AOAH: variants seen among roughly 807,000 people sequenced by gnomAD.
AOAH encodes the protein acyloxyacyl hydrolase, also known as acyloxyacyl hydrolase (neutrophil).
AOAH carries 64 observed loss-of-function variants against 92.2 expected under a neutral mutation model. That is an observed-to-expected ratio of 0.69 (90% CI 0.57 to 0.86). The LOEUF (loss-of-function observed/expected upper bound fraction) is 0.86, where lower values mean the gene tolerates loss of function less well. Among genes scored for constraint, AOAH ranks in the 40% least tolerant of loss-of-function variants. The pLI is 0.00. For synonymous variants in AOAH, 263 were observed against 254.5 expected (o/e 1.03, Z -0.32); for missense variants, 656 against 694.6 (o/e 0.94, Z 0.62).
chr7:36,612,460 TTTC>T (rs1353097752), intron 11 of AOAH, among the ~76,000 whole-genome samples: 1 of 152,214 alleles, frequency 6.6e-6, no homozygotes, highest in Non-Finnish European at 1.5e-5. Flanking sequence ...TGATTTTTAG[TTTC>T]TTTCCTCATT....
At position 36,530,532 on chromosome 7, in the gene AOAH, AG is replaced by A; in HGVS notation, c.1426-19del. 1 of 1,552,098 alleles carries A rather than the reference AG, an allele frequency of 6.4e-7. No homozygotes were observed. The highest frequency in any genetic ancestry group is 8.9e-7 in the Non-Finnish European group (1 of 1,124,904). On this transcript the variant is annotated intron_variant, in intron 18 of 20. Transcript: ENST00000617537. ...TCTGCTCTCTGAAGAGAGAGGAAAC[AG>A]GGAGAATTTCATGAAATCTAGACTT...
intron 1 of AOAH, among the ~76,000 whole-genome samples, chr7:36,703,832 G>A (rs1354610929): frequency 1.3e-5 from 2 of 152,114 alleles, no homozygotes; most frequent in African/African-American, 4.8e-5. Context: ...CCCACTAATG[G>A]GATTGCTGGG....
intron 4 of AOAH, among the ~76,000 whole-genome samples, chr7:36,654,616 C>T (rs772790773): frequency 1.1e-4 from 16 of 152,154 alleles, no homozygotes; most frequent in Non-Finnish European, 1.6e-4. Context: ...CCCATCCATC[C>T]TCTCCATCCC....
chr7:36,652,075 C>T (rs1455000436), intron 4 of AOAH, among the ~76,000 whole-genome samples: 1 of 152,136 alleles, frequency 6.6e-6, no homozygotes, highest in East Asian at 1.9e-4. Flanking sequence ...ATACCATTTT[C>T]CAGTAAAAGG....
rs796807401 is a variant in AOAH, at chr7:36,634,068, T to C, written c.451-1962A>G. ...TGGGAAACAGGGCGGAGGAGGGTGATGGTGTGAAGAAGGGGTGGTTAGAAG... is the reference window on the plus strand; with the variant it reads ...TGGGAAACAGGGCGGAGGAGGGTGACGGTGTGAAGAAGGGGTGGTTAGAAG... On this transcript the variant is annotated intron_variant, in intron 5 of 20. Transcript: ENST00000617537. Among the ~76,000 whole-genome samples the C allele has an allele frequency of 3.0e-4, 46 of 152,120 alleles. 1 individual carries two copies. Among genetic ancestry groups the C allele is most frequent in the African/African-American group, 9.2e-4 (38 of 41,508 alleles).
chr7:36,720,224 A>G (rs901372347), intron 1 of AOAH, among the ~76,000 whole-genome samples: 1 of 151,656 alleles, frequency 6.6e-6, no homozygotes, highest in South Asian at 2.1e-4. Flanking sequence ...ATCTCGGCTC[A>G]CTGCAACCTC....
chr7:36,634,247 G>C (rs1194340960), intron 5 of AOAH, among the ~76,000 whole-genome samples: 1 of 152,080 alleles, frequency 6.6e-6, no homozygotes, highest in Non-Finnish European at 1.5e-5. Flanking sequence ...GTAAAACCTC[G>C]AAGGCAGAAA....
intron 13 of AOAH, 53 bp from the exon 14 acceptor site, chr7:36,549,528 C>CT: frequency 8.0e-7 from 1 of 1,253,560 alleles, no homozygotes; most frequent in Non-Finnish European, 1.2e-6. Flanking sequence ...CAATTTCACA[C>CT]TATCAATATG....
In AOAH at chr7:36,606,220, G is replaced by A. The variant is rs377185624; in HGVS notation, c.846+10160C>T. On this transcript the variant is annotated intron_variant, in intron 11 of 20. Transcript: ENST00000617537. ...AAATCCAGACAGCGGGAAGCAGGGC[G>A]GGTGAGTGAGCGTAGGGTGACAGCT... 1.6e-4 allele frequency among the ~76,000 whole-genome samples: 24 copies of A among 152,260 alleles called. No homozygotes were observed. In the East Asian group the frequency reaches 3.3e-3, roughly 21 times the overall value.
chr7:36,548,592 A>T lies in AOAH; in HGVS notation c.1133+20T>A, dbSNP rs754094926. The T allele has an allele frequency of 1.2e-6, 2 of 1,605,540 alleles. No homozygotes were observed. The highest frequency in any genetic ancestry group is 1.7e-5 in the Admixed American group (1 of 59,946). ...CCCAGAGCCAAAGAATCTTGAAAAT[A>T]CTTTTTCTCAATAACTCACCCACTG... On this transcript the variant is annotated intron_variant, in intron 15 of 20. Transcript: ENST00000617537.
At chr7:36,723,242 A>G (rs1035776626) in intron 1 of AOAH, among the ~76,000 whole-genome samples, 2 of 152,118 alleles carry the variant, frequency 1.3e-5, no homozygotes, top group African/African-American at 4.8e-5. Context: ...CATGGACTGT[A>G]CCATCTAAAT....
At chr7:36,519,464 C>T (rs1332365269) in intron 20 of AOAH, among the ~76,000 whole-genome samples, 1 of 152,208 alleles carries the variant, frequency 6.6e-6, no homozygotes, top group African/African-American at 2.4e-5. Flanking sequence ...GAGTTTCGCT[C>T]TTGTTGCCCA....
intron 1 of AOAH, among the ~76,000 whole-genome samples, chr7:36,713,664 A>C (rs1425309822): frequency 6.6e-6 from 1 of 152,256 alleles, no homozygotes; most frequent in Non-Finnish European, 1.5e-5. Flanking sequence ...AGAACTCAGG[A>C]TTAAGAAACT....
At chr7:36,517,199 T>TTTCC in intron 20 of AOAH, among the ~76,000 whole-genome samples, 2 of 70,644 alleles carry the variant, frequency 2.8e-5, no homozygotes, top group African/African-American at 9.8e-5. Context: ...TCTTTCTTTC[T>TTTCC]TTCTTTCTTT....
At chr7:36,674,319 T>C (rs1363556308) in intron 2 of AOAH, among the ~76,000 whole-genome samples, 1 of 152,234 alleles carries the variant, frequency 6.6e-6, no homozygotes, top group Admixed American at 6.5e-5. Flanking sequence ...TACCTGAATG[T>C]TGGCTATGAC....
chr7:36,581,178 C>A (rs1029901472), intron 12 of AOAH, among the ~76,000 whole-genome samples: 2 of 152,162 alleles, frequency 1.3e-5, no homozygotes, highest in African/African-American at 4.8e-5. Context: ...TGTAACCAAT[C>A]CCCAAGTCTT....
At chr7:36,629,114 C>T (rs1792881068) in intron 6 of AOAH, among the ~76,000 whole-genome samples, 1 of 152,212 alleles carries the variant, frequency 6.6e-6, no homozygotes, top group Non-Finnish European at 1.5e-5. Flanking sequence ...TTGAAGAATA[C>T]ATGAGACTGC....
chr7:36,654,213 C>T (rs1226701442), intron 4 of AOAH, among the ~76,000 whole-genome samples: 7 of 151,202 alleles, frequency 4.6e-5, no homozygotes, highest in South Asian at 2.1e-4. Context: ...TCCCAAGATA[C>T]GTAACACAAA....
chr7:36,668,663 T>A (rs189781065), intron 3 of AOAH, among the ~76,000 whole-genome samples: 4 of 152,334 alleles, frequency 2.6e-5, no homozygotes, highest in African/African-American at 4.8e-5. Flanking sequence ...ATTTTTGTAT[T>A]TCTAGTAGAG....
Sources: allele counts gnomAD v4.1 joint callset (sites outside exome capture counted in the v4.1 genomes callset), GRCh38; gene constraint gnomAD v4.1.1; transcripts MANE v1.5; gene names NCBI Gene and HGNC (gene_info 2026-07-23, HGNC 2026-07-21).